The following GPR158 variants were observed in gnomAD, a reference collection of about 807,000 sequenced individuals.
GPR158 encodes the protein G protein-coupled receptor 158.
Under a neutral mutation model 78.2 loss-of-function variants are expected in GPR158, and 30 were observed. That is an observed-to-expected ratio of 0.38 (90% confidence interval 0.29 to 0.52). GPR158 has a LOEUF of 0.52. Among genes scored for constraint, GPR158 ranks in the 20% least tolerant of loss-of-function variants. The pLI, the probability that GPR158 is intolerant of heterozygous loss-of-function variation, is 0.83. For missense variants in GPR158, 1,463 were observed against 1,523.5 expected (o/e 0.96, Z 0.66); for synonymous variants, 581 against 591.1 (o/e 0.98, Z 0.25).
intron 2 of GPR158, among the ~76,000 whole-genome samples, chr10:25,269,657 G>A (rs1181751236): frequency 1.3e-5 from 2 of 152,132 alleles, no homozygotes; most frequent in Admixed American, 6.6e-5. Flanking sequence ...AGACACTCAC[G>A]TAAACTTTAT....
chr10:25,301,690 C>G (rs1854596976), intron 2 of GPR158, among the ~76,000 whole-genome samples: 1 of 68,382 alleles, frequency 1.5e-5, no homozygotes, highest in Non-Finnish European at 3.3e-5. Context: ...AAATTGATAC[C>G]TTTGACACAG....
Position 25,597,994 on chromosome 10 carries a change from A to C in GPR158, c.2368A>C (p.Lys790Gln). ...GTAKGTALIR[K>Q]NPPESSGNTG... ...AGCCAAAGGCACTGCCCTCATCAGG[A>C]AGAACCCCCCAGAGTCTTCAGGGAA... is the stretch of plus-strand genomic sequence containing the variant. Residue 790 changes from lysine to glutamine, a missense_variant, in exon 11 of 11, where the codon AAG (lysine) becomes CAG (glutamine). Coordinates refer to ENST00000376351, the MANE Select transcript of GPR158 (RefSeq NM_020752.3). 1 of 1,614,150 alleles carries C rather than the reference A, an allele frequency of 6.2e-7. No homozygotes were observed. Among genetic ancestry groups the C allele is most frequent in the East Asian group, 2.2e-5 (1 of 44,872 alleles).
At chr10:25,238,915 G>A (rs1289137993) in intron 2 of GPR158, among the ~76,000 whole-genome samples, 3 of 152,198 alleles carry the variant, frequency 2.0e-5, no homozygotes, top group Non-Finnish European at 4.4e-5. Context: ...GAGGACATGT[G>A]ATCCTTCCTC....
At chr10:25,521,038 C>G (rs1003834438) in intron 5 of GPR158, among the ~76,000 whole-genome samples, 9 of 152,246 alleles carry the variant, frequency 5.9e-5, no homozygotes, top group African/African-American at 1.4e-4. Context: ...GTAGGACCCT[C>G]CGAGCCAGGT....
intron 1 of GPR158, among the ~76,000 whole-genome samples, chr10:25,217,590 A>G (rs1158640243): frequency 6.6e-6 from 1 of 152,218 alleles, no homozygotes; most frequent in Non-Finnish European, 1.5e-5. Flanking sequence ...CCCGTGAAAG[A>G]TGAGGGCCTG....
chr10:25,410,383 T>A (rs1834567336), intron 3 of GPR158, among the ~76,000 whole-genome samples: 1 of 152,116 alleles, frequency 6.6e-6, no homozygotes, highest in Admixed American at 6.6e-5. Flanking sequence ...TTTGGGAGGC[T>A]GAGGCAGGTG....
At chr10:25,514,810 C>A (rs1313734035) in intron 5 of GPR158, among the ~76,000 whole-genome samples, 1 of 151,990 alleles carries the variant, frequency 6.6e-6, no homozygotes, top group East Asian at 1.9e-4. Context: ...TGGCTGATAA[C>A]TGTTTTTGTT....
chr10:25,375,674 T>A (rs569969592), intron 2 of GPR158, among the ~76,000 whole-genome samples: 2 of 151,760 alleles, frequency 1.3e-5, no homozygotes, highest in Admixed American at 1.3e-4. Context: ...TTAATTGTAT[T>A]TGCGCATCTG....
chr10:25,194,101 T>C (rs1342848414), intron 1 of GPR158, among the ~76,000 whole-genome samples: 1 of 152,194 alleles, frequency 6.6e-6, no homozygotes, highest in Non-Finnish European at 1.5e-5. Context: ...CTGACTTCTT[T>C]CAAGCTGGAG....
chr10:25,352,556 T>G (rs1348323336), intron 2 of GPR158, among the ~76,000 whole-genome samples: 3 of 151,964 alleles, frequency 2.0e-5, no homozygotes, highest in African/African-American at 7.3e-5. Flanking sequence ...TGGTTACTTT[T>G]GCTGATTGGT....
At position 25,514,620 on chromosome 10, in the gene GPR158, T is replaced by A. The variant is rs1588893980; in HGVS notation, c.1405-36356T>A. ...TATTGTTATATAGGCCCTGTGAGAT[T>A]TATGCTTTAAGGAGGTTTTATTTTG... is the stretch of plus-strand genomic sequence containing the variant. On this transcript the variant is annotated intron_variant, in intron 5 of 10. Transcript: ENST00000376351. 1.3e-5 allele frequency among the ~76,000 whole-genome samples: 2 copies of A among 152,324 alleles called. 1 individual carries two copies. The highest frequency in any genetic ancestry group is 3.9e-4 in the East Asian group (2 of 5,182).
At chr10:25,484,142 T>G (rs1360124) in intron 5 of GPR158, among the ~76,000 whole-genome samples, 112,513 of 152,058 alleles carry the variant, frequency 0.74, 42,930 homozygotes, top group East Asian at 0.99. Context: ...ACCCCACTGT[T>G]ATCTGTTCCC....
chr10:25,252,848 C>T (rs1245047081), intron 2 of GPR158, among the ~76,000 whole-genome samples: 3 of 150,902 alleles, frequency 2.0e-5, no homozygotes, highest in African/African-American at 7.3e-5. Flanking sequence ...CCACCCAGTT[C>T]GAGCTTCCTG....
chr10:25,366,600 C>G (rs1855727956), intron 2 of GPR158, among the ~76,000 whole-genome samples: 1 of 151,602 alleles, frequency 6.6e-6, no homozygotes, highest in Admixed American at 6.6e-5. Context: ...CAGCAATTTT[C>G]AAATATACAA....
intron 2 of GPR158, among the ~76,000 whole-genome samples, chr10:25,345,179 C>T (rs1314609931): frequency 6.6e-6 from 1 of 151,924 alleles, no homozygotes; most frequent in East Asian, 1.9e-4. Flanking sequence ...AATCCGTTCC[C>T]TCAATGGTCT....
intron 5 of GPR158, among the ~76,000 whole-genome samples, chr10:25,504,471 C>T (rs983225858): frequency 2.6e-5 from 4 of 152,172 alleles, no homozygotes; most frequent in African/African-American, 9.7e-5. Flanking sequence ...TACTTCCTAG[C>T]CTTTGGCTAG....
At chr10:25,390,492 G>A in intron 2 of GPR158, among the ~76,000 whole-genome samples, 1 of 152,218 alleles carries the variant, frequency 6.6e-6, no homozygotes, top group African/African-American at 2.4e-5. Context: ...AAAGAGACTG[G>A]TGGCATTCTG....
At chr10:25,239,023 T>G (rs1480346791) in intron 2 of GPR158, among the ~76,000 whole-genome samples, 1 of 152,208 alleles carries the variant, frequency 6.6e-6, no homozygotes, top group Non-Finnish European at 1.5e-5. Context: ...GATTATCTTC[T>G]GAGAAAAGAG....
chr10:25,392,664 GT>G (rs397845562), intron 2 of GPR158, among the ~76,000 whole-genome samples: 64 of 149,722 alleles, frequency 4.3e-4, no homozygotes, highest in African/African-American at 1.0e-3. Context: ...TATATTTACA[GT>G]TTTTTTTTTA....
Sources: allele counts gnomAD v4.1 joint callset (sites outside exome capture counted in the v4.1 genomes callset), GRCh38; gene constraint gnomAD v4.1.1; transcripts MANE v1.5; gene names NCBI Gene and HGNC (gene_info 2026-07-23, HGNC 2026-07-21).